Variants in ISM1 observed in about 807,000 individuals in gnomAD.
ISM1 encodes the protein isthmin 1, also known as isthmin-1.
A neutral mutation model predicts 46.3 loss-of-function variants in ISM1; 25 were observed. That is an observed-to-expected ratio of 0.54 (90% CI 0.39 to 0.75). The LOEUF (loss-of-function observed/expected upper bound fraction) is 0.75, where lower values mean the gene tolerates loss of function less well. Among genes scored for constraint, ISM1 ranks in the 30% least tolerant of loss-of-function variants. The probability of loss-of-function intolerance (pLI) is 0.00; values close to 1 mark genes in which losing one functional copy is unlikely to be tolerated. For synonymous variants in ISM1, 255 were observed against 256.7 expected, an observed-to-expected ratio of 0.99 and a Z score of 0.06; for missense variants, 536 against 625.4, an observed-to-expected ratio of 0.86 and a Z score of 1.52.
At chr20:13,264,681 C>A (rs555736157) in intron 1 of ISM1, among the ~76,000 whole-genome samples, 1 of 152,200 alleles carries the variant, frequency 6.6e-6, no homozygotes. Context: ...CGATGAGCAA[C>A]GCCAGCTATG....
chr20:13,225,512 C>T (rs1182530088), intron 1 of ISM1, among the ~76,000 whole-genome samples: 1 of 152,058 alleles, frequency 6.6e-6, no homozygotes, highest in African/African-American at 2.4e-5. Context: ...TTTCAGCGCA[C>T]TAGGGGTTAC....
At chr20:13,221,999 A>C in intron 1 of ISM1, 85 bp downstream of exon 1, 1 of 1,194,112 alleles carries the variant, frequency 8.4e-7, no homozygotes, top group South Asian at 2.8e-5. Flanking sequence ...GGGTGGATGC[A>C]GGGAGGCAGG....
chr20:13,324,229 T>C, the ISM1 span, among the ~76,000 whole-genome samples: 1 of 152,230 alleles, frequency 6.6e-6, no homozygotes, highest in Non-Finnish European at 1.5e-5. Flanking sequence ...GGGTTGTCTC[T>C]GACTTTCACA....
At chr20:13,253,534 CCTT>C (rs2039890701) in intron 1 of ISM1, among the ~76,000 whole-genome samples, 1 of 152,200 alleles carries the variant, frequency 6.6e-6, no homozygotes, top group South Asian at 2.1e-4. Context: ...CTGTTCCTCA[CCTT>C]CTCTTGGTGA....
the ISM1 span, among the ~76,000 whole-genome samples, chr20:13,307,366 T>TAC: frequency 6.6e-6 from 1 of 152,156 alleles, no homozygotes; most frequent in Admixed American, 6.5e-5. Context: ...ACAAAGTGAA[T>TAC]ACACCCATGT....
At chr20:13,303,664 G>T (rs1212368962), downstream of ISM1, among the ~76,000 whole-genome samples, 1 of 152,204 alleles carries the variant, frequency 6.6e-6, no homozygotes, top group Non-Finnish European at 1.5e-5. Flanking sequence ...TCACTTGCCT[G>T]CTGGGAGTTG....
At chr20:13,254,680 G>C (rs748244411) in intron 1 of ISM1, among the ~76,000 whole-genome samples, 19 of 152,174 alleles carry the variant, frequency 1.2e-4, no homozygotes, top group Non-Finnish European at 1.5e-5. Context: ...ATCACTCAGA[G>C]GCAGATGACT....
the ISM1 span, among the ~76,000 whole-genome samples, chr20:13,318,998 C>T: frequency 4.4e-4 from 67 of 152,112 alleles, no homozygotes; most frequent in Admixed American, 1.8e-3. Context: ...TACAACAGCA[C>T]GAGTGAACCC....
chr20:13,305,854 T>G, the ISM1 span, among the ~76,000 whole-genome samples: 1 of 152,208 alleles, frequency 6.6e-6, no homozygotes, highest in South Asian at 2.1e-4. Flanking sequence ...TTAATTTCTG[T>G]GTAGAGATTT....
intron 1 of ISM1, among the ~76,000 whole-genome samples, chr20:13,261,150 A>G (rs1034168508): frequency 4.6e-5 from 7 of 152,218 alleles, no homozygotes; most frequent in Non-Finnish European, 1.0e-4. Context: ...ACAGTGGCTC[A>G]TGCCCGTAAT....
intron 1 of ISM1, chr20:13,237,672 A>C (rs1054718142): frequency 6.6e-6 from 1 of 152,144 alleles, no homozygotes; most frequent in Non-Finnish European, 1.5e-5. Context: ...TGAGTTGTAG[A>C]GTTATATATG....
chr20:13,276,317 C>G (rs763748516), intron 2 of ISM1, among the ~76,000 whole-genome samples: 2 of 152,168 alleles, frequency 1.3e-5, no homozygotes, highest in Non-Finnish European at 2.9e-5. Context: ...ATCACCTAGA[C>G]TGAGAATGGT....
chr20:13,242,916 T>A (rs2039744638), intron 1 of ISM1, among the ~76,000 whole-genome samples: 1 of 152,222 alleles, frequency 6.6e-6, no homozygotes, highest in Non-Finnish European at 1.5e-5. Context: ...CAGACACTTT[T>A]TTAAGCATTT....
rs746476474 is a variant in ISM1 at position 13,288,518 on chromosome 20, C to T, written c.644-22C>T. 4.3e-6 allele frequency: 7 copies of T among 1,610,614 alleles called. No homozygotes were observed. The South Asian group carries it at 6.6e-5, about 15-fold the overall frequency. ...AGACTCTTTGGCCAAAGTTGATGAC[C>T]ATCTCCCTGGCTGTCTTCCAGATTC... is the stretch of plus-strand genomic sequence containing the variant. On this transcript the variant is annotated intron_variant, in intron 3 of 5. Coordinates refer to ENST00000262487, the MANE Select transcript of ISM1 (RefSeq NM_080826.2).
At chr20:13,307,398 C>G in the ISM1 span, among the ~76,000 whole-genome samples, 1 of 152,044 alleles carries the variant, frequency 6.6e-6, no homozygotes, top group South Asian at 2.1e-4. Context: ...ATACCAACAC[C>G]AAGAAAAAAC....
At chr20:13,223,439 C>T (rs6109761) in intron 1 of ISM1, among the ~76,000 whole-genome samples, 1 of 152,258 alleles carries the variant, frequency 6.6e-6, no homozygotes, top group African/African-American at 2.4e-5. Flanking sequence ...TTAATATAGC[C>T]TCATTTACAG....
the ISM1 span, among the ~76,000 whole-genome samples, chr20:13,307,235 A>G: frequency 6.6e-6 from 1 of 152,188 alleles, no homozygotes; most frequent in Non-Finnish European, 1.5e-5. Flanking sequence ...ACCCTCTTAT[A>G]GCCAATTGGC....
intron 3 of ISM1, among the ~76,000 whole-genome samples, chr20:13,281,841 G>A (rs2040241869): frequency 6.6e-6 from 1 of 152,178 alleles, no homozygotes; most frequent in South Asian, 2.1e-4. Context: ...TTGTTTCTAT[G>A]AGTAGAGCTC....
chr20:13,311,126 G>A, the ISM1 span, among the ~76,000 whole-genome samples: 20 of 152,158 alleles, frequency 1.3e-4, no homozygotes, highest in East Asian at 3.9e-4. Context: ...CCCGGGAAGC[G>A]GAGGTTGCAG....
Sources: gnomAD v4.1 joint callset for allele counts (sites outside exome capture counted in the v4.1 genomes callset) on GRCh38, gnomAD v4.1.1 for gene constraint, MANE v1.5 for transcripts, NCBI Gene and HGNC (gene_info 2026-07-23, HGNC 2026-07-21) for gene names.